The following CELSR1 variants were observed in gnomAD, a reference collection of about 807,000 sequenced individuals.
The protein encoded by CELSR1 is adhesion G protein-coupled receptor C1.
CELSR1 carries 110 observed loss-of-function variants against 249.1 expected under a neutral mutation model. The observed-to-expected ratio is 0.44, with a 90% CI of 0.38 to 0.52. The LOEUF is 0.52. Among genes scored for constraint, CELSR1 ranks in the 20% least tolerant of loss-of-function variants. CELSR1 has a pLI of 0.00. For missense variants in CELSR1, 4,109 were observed against 4,296.4 expected (o/e 0.96, Z 1.22); for synonymous variants, 2,113 against 1,900.0 (o/e 1.11, Z -2.92).
intron 2 of CELSR1, among the ~76,000 whole-genome samples, chr22:46,452,438 G>T (rs1019531046): frequency 4.6e-5 from 7 of 152,188 alleles, no homozygotes; most frequent in African/African-American, 7.2e-5. Flanking sequence ...GTAGGGGAGG[G>T]GCAACCACAG....
intron 1 of CELSR1, among the ~76,000 whole-genome samples, chr22:46,487,315 G>A (rs1012394634): frequency 3.3e-5 from 5 of 151,380 alleles, no homozygotes; most frequent in African/African-American, 1.2e-4. Flanking sequence ...AAACTATTTG[G>A]TATAATATCT....
Position 46,413,114 on chromosome 22 carries a change from G to C in CELSR1, c.4612-1355C>G, listed in dbSNP as rs938293474. 1.3e-5 allele frequency among the ~76,000 whole-genome samples: 2 copies of C among 152,230 alleles called. No homozygotes were observed. The highest frequency in any genetic ancestry group is 4.8e-5 in the African/African-American group (2 of 41,456). On this transcript the variant is annotated intron_variant, in intron 5 of 34. Transcript: ENST00000674500. The surrounding 1 kb of genome is among the most constrained non-coding windows in gnomAD (Gnocchi z 4.7). ...ATCTCATGCTTCTTTATAAAACGTGGAAATAGATCGTTGTAAAAACGTAGA... is the reference window on the plus strand; with the variant it reads ...ATCTCATGCTTCTTTATAAAACGTGCAAATAGATCGTTGTAAAAACGTAGA...
In CELSR1 at chr22:46,399,393, T is replaced by C. The variant is rs972742924; in HGVS notation, c.5412+324A>G. On this transcript the variant is annotated intron_variant, in intron 10 of 34. Coordinates refer to ENST00000674500, the MANE Select transcript of CELSR1 (RefSeq NM_001378328.1). The surrounding 1 kb of genome is among the most constrained non-coding windows in gnomAD (Gnocchi z 5.0). ...TTGCTACTTCAGTACCCTAAAGACA[T>C]GGTGCTGAGCCTGCAGGTGTTGCTC... Among the ~76,000 whole-genome samples the C allele has an allele frequency of 2.0e-5, 3 of 152,198 alleles. No homozygotes were observed. Among genetic ancestry groups the C allele is most frequent in the Admixed American group, 6.5e-5 (1 of 15,290 alleles).
chr22:46,504,179 G>A (rs754836524), intron 1 of CELSR1, among the ~76,000 whole-genome samples: 3 of 152,140 alleles, frequency 2.0e-5, no homozygotes, highest in Non-Finnish European at 4.4e-5. Context: ...TAAAAGATAA[G>A]CAATCTAACT....
chr22:46,419,377 C>T (rs1372050829), intron 5 of CELSR1, among the ~76,000 whole-genome samples: 1 of 152,192 alleles, frequency 6.6e-6, no homozygotes, highest in Non-Finnish European at 1.5e-5. Flanking sequence ...CCTCCTCAAG[C>T]ACTCAACAAG....
At chr22:46,467,499 C>T (rs113022360) in intron 1 of CELSR1, among the ~76,000 whole-genome samples, 3,143 of 142,970 alleles carry the variant, frequency 0.022, 115 homozygotes, top group African/African-American at 0.081. Context: ...TACTTATGCA[C>T]GAACATGTTA....
At chr22:46,394,091 C>T (rs757406165) in intron 14 of CELSR1, 51 bp downstream of exon 14, 1 of 1,591,064 alleles carries the variant, frequency 6.3e-7, no homozygotes, top group South Asian at 1.1e-5. Context: ...GGCAGCTGTG[C>T]ATGTGTGTGA....
rs189799869 is a variant in CELSR1 at position 46,383,704 on chromosome 22, C to T, written c.6883+839G>A. Among the ~76,000 whole-genome samples, 7 of 151,964 alleles carry T rather than the reference C, an allele frequency of 4.6e-5. No individual in the cohort carries two copies. In the East Asian group the frequency reaches 1.4e-3, roughly 30 times the overall value. ...ACCATGCCCAGGTAATTAAAAAAAA[C>T]TTCTTTAGTAGAGATGGAGTTTCTC... On this transcript the variant is annotated intron_variant, in intron 20 of 34. Transcript: ENST00000674500.
chr22:46,391,501 G>A lies in CELSR1; in HGVS notation c.6148+132C>T, dbSNP rs2079090695. 2 of 1,138,702 alleles carry A rather than the reference G, an allele frequency of 1.8e-6. No homozygotes were observed. Among genetic ancestry groups the A allele is most frequent in the East Asian group, 5.1e-5 (2 of 38,940 alleles). 70.5% of individuals were successfully genotyped at this position (1,138,702 alleles called of 1,614,324 possible). ...CTCACGCAGAACCAGGTTTCTAGAA[G>A]GTCAAGAGAACTCAGAACACGAGGG... On this transcript the variant is annotated intron_variant, in intron 15 of 34. Coordinates refer to ENST00000674500, the MANE Select transcript of CELSR1 (RefSeq NM_001378328.1). The surrounding 1 kb of genome is among the most constrained non-coding windows in gnomAD (Gnocchi z 4.3).
intron 5 of CELSR1, among the ~76,000 whole-genome samples, chr22:46,425,679 A>G (rs1467324133): frequency 6.7e-6 from 1 of 149,648 alleles, no homozygotes; most frequent in African/African-American, 2.4e-5. Context: ...TCACGCTAGA[A>G]GTTTTCCCCC....
chr22:46,461,662 G>T (rs946388627), intron 2 of CELSR1, among the ~76,000 whole-genome samples: 12 of 152,254 alleles, frequency 7.9e-5, no homozygotes, highest in African/African-American at 2.9e-4. Flanking sequence ...CCCCAGAACA[G>T]GCTGGGGGAG....
At chr22:46,505,681 T>G (rs550299747) in intron 1 of CELSR1, among the ~76,000 whole-genome samples, 1 of 152,058 alleles carries the variant, frequency 6.6e-6, no homozygotes, top group Non-Finnish European at 1.5e-5. Context: ...AATTTGCACT[T>G]GGAGGTGGGT....
intron 2 of CELSR1, among the ~76,000 whole-genome samples, chr22:46,450,359 T>A (rs1364310854): frequency 1.3e-5 from 2 of 152,244 alleles, no homozygotes; most frequent in African/African-American, 4.8e-5. Flanking sequence ...CAGGGCCACA[T>A]GGCGTCCCAA....
intron 1 of CELSR1, among the ~76,000 whole-genome samples, chr22:46,521,231 C>T (rs879291370): frequency 5.3e-5 from 8 of 152,134 alleles, no homozygotes; most frequent in African/African-American, 7.2e-5. Flanking sequence ...CAGCCGGGCG[C>T]GGTGGCTCAC....
At position 46,369,783 on chromosome 22, in the gene CELSR1, G is replaced by A; in HGVS notation, c.7781C>T (p.Pro2594Leu). The A allele has an allele frequency of 6.2e-7, 1 of 1,613,158 alleles. No homozygotes were observed. The change falls in exon 26 of 35, where the codon CCC (proline) becomes CTC (leucine). Residue 2594 changes from proline (P) to leucine (L), a missense_variant. Pro to Leu is a moderately conservative substitution (Grantham distance 98, BLOSUM62 -3). Coordinates refer to ENST00000674500, the MANE Select transcript of CELSR1 (RefSeq NM_001378328.1). ...GAAGTCGGGGTTCCCGTAGCCCTGG[G>A]GGTCCAGGCCGACCGCCAGTCCTGA... The part of the protein sequence containing the change: ...IVTGLAVGLD[P>L]QGYGNPDFCW...
In CELSR1 at chr22:46,534,943, AGGCCGCCCCCTCTCT is replaced by A; in HGVS notation, c.2213_2227del (p.Gln738_Gly742del). ...GTCCAGAGGTAGCGCCAGGGTGATGAGGCCGCCCCCTCTCTGGCTGCTGAGTGCAAAGCGGTTCCG... is the reference window on the plus strand; with the variant it reads ...GTCCAGAGGTAGCGCCAGGGTGATGAGGCTGCTGAGTGCAAAGCGGTTCCG... On this transcript the variant is annotated inframe_deletion, in exon 1 of 35. Transcript: ENST00000674500. This position sits in a 1 kb window ranked among gnomAD's most constrained non-coding sequence, Gnocchi z 9.7. 1 of 1,612,410 alleles carries A rather than the reference AGGCCGCCCCCTCTCT, an allele frequency of 6.2e-7. No homozygotes were observed. Among genetic ancestry groups the A allele is most frequent in the Non-Finnish European group, 8.5e-7 (1 of 1,179,918 alleles).
Position 46,440,309 on chromosome 22 carries a change from G to A in CELSR1, c.4184-898C>T, listed in dbSNP as rs1235449530. On this transcript the variant is annotated intron_variant, in intron 2 of 34. Coordinates refer to ENST00000674500, the MANE Select transcript of CELSR1 (RefSeq NM_001378328.1). The surrounding 1 kb of genome is among the most constrained non-coding windows in gnomAD (Gnocchi z 4.7). ...CGCCCCCGGACAGGGATGGTGAGCCGCAATCTGCACAGCCCATGCTGCCTC... is the reference window on the plus strand; with the variant it reads ...CGCCCCCGGACAGGGATGGTGAGCCACAATCTGCACAGCCCATGCTGCCTC... Among the ~76,000 whole-genome samples the A allele has an allele frequency of 2.0e-5, 3 of 152,184 alleles. No individual in the cohort carries two copies. Among genetic ancestry groups the A allele is most frequent in the African/African-American group, 4.8e-5 (2 of 41,448 alleles).
chr22:46,438,357 GCCC>G (rs528297301), intron 3 of CELSR1, among the ~76,000 whole-genome samples: 10 of 151,916 alleles, frequency 6.6e-5, no homozygotes, highest in Non-Finnish European at 1.5e-4. Flanking sequence ...GCAGCTAGGC[GCCC>G]CCCAACCCGG....
chr22:46,424,055 T>C (rs550620798), intron 5 of CELSR1, among the ~76,000 whole-genome samples: 17 of 151,780 alleles, frequency 1.1e-4, no homozygotes, highest in South Asian at 6.2e-4. Flanking sequence ...CCAGCAAACA[T>C]TGTAAATCTT....
Sources: gnomAD v4.1 joint callset for allele counts (sites outside exome capture counted in the v4.1 genomes callset) on GRCh38, gnomAD v4.1.1 for gene constraint, Gnocchi (gnomAD v3.1) non-coding constraint, MANE v1.5 for transcripts, NCBI Gene and HGNC (gene_info 2026-07-23, HGNC 2026-07-21) for gene names.